The following SPSB4 variants were observed in gnomAD, a reference collection of about 807,000 sequenced individuals.
SPSB4 encodes the protein splA/ryanodine receptor domain and SOCS box containing 4, also known as SPRY domain-containing SOCS box protein 4.
Under a neutral mutation model 20.9 loss-of-function variants are expected in SPSB4, and 21 were observed. The ratio of observed to expected loss-of-function variants is 1.01; its 90% confidence interval spans 0.71 to 1.45. The LOEUF (loss-of-function observed/expected upper bound fraction) is 1.45, where lower values mean the gene tolerates loss of function less well. Among genes scored for constraint, SPSB4 ranks in the 40% most tolerant of loss-of-function variants. The pLI is 0.00. For synonymous variants in SPSB4, 207 were observed against 183.8 expected (o/e 1.13, Z -1.02); for missense variants, 399 against 399.2 (o/e 1.00, Z 0.00).
chr3:141,100,189 A>C (rs1317504363), intron 2 of SPSB4, among the ~76,000 whole-genome samples: 25 of 152,284 alleles, frequency 1.6e-4, no homozygotes, highest in Admixed American at 1.6e-3. Context: ...GAAAATAGAC[A>C]GAAGTGTTAT....
chr3:141,136,649 T>C (rs1939233038), intron 2 of SPSB4, among the ~76,000 whole-genome samples: 1 of 152,210 alleles, frequency 6.6e-6, no homozygotes, highest in Non-Finnish European at 1.5e-5. Context: ...CAGATGGTTG[T>C]AGGTGTGTGG....
intron 2 of SPSB4, among the ~76,000 whole-genome samples, chr3:141,107,077 GTGGCCAC>G (rs1938706495): frequency 6.6e-6 from 1 of 152,228 alleles, no homozygotes; most frequent in Non-Finnish European, 1.5e-5. Context: ...GTCAGTCACA[GTGGCCAC>G]TGGACTGGAA....
Position 141,066,168 on chromosome 3 carries a change from G to T in SPSB4, c.64G>T (p.Ala22Ser). 6.5e-7 allele frequency: 1 copy of T among 1,532,504 alleles called. No homozygotes were observed. Among genetic ancestry groups the T allele is most frequent in the East Asian group, 2.5e-5 (1 of 39,330 alleles). 94.9% of individuals were successfully genotyped at this position (1,532,504 alleles called of 1,614,324 possible). A position where few individuals can be genotyped will look rare whatever the true frequency, so the allele number is the denominator to read the frequency against. The change falls in exon 2 of 3, where the codon GCC (alanine) becomes TCC (serine). Residue 22 changes from alanine (A) to serine (S), a missense_variant. Transcript: ENST00000310546. The part of the protein sequence containing the change: ...VEVREPALRP[A>S]KRELRGAEPG... ...GGTGCGAGAGCCGGCGCTGCGGCCG[G>T]CCAAGCGGGAGCTGCGGGGTGCAGA...
At chr3:141,074,990 G>C (rs1428411077) in intron 2 of SPSB4, among the ~76,000 whole-genome samples, 1 of 152,230 alleles carries the variant, frequency 6.6e-6, no homozygotes, top group Non-Finnish European at 1.5e-5. Context: ...GATGGGAGCT[G>C]ACTGGACCAG....
rs557176968 is a variant in SPSB4 at position 141,066,638 on chromosome 3, C to T, written c.534C>T (p.Leu178=). The part of the protein sequence containing the change: ...DEAFALPDSL[L]VVLDMDEGTL... Reference sequence around the variant, plus strand: ...CCTTTGCGCTGCCCGACTCGCTGCTCGTGGTGCTGGACATGGATGAGGGCA... The same window carrying T: ...CCTTTGCGCTGCCCGACTCGCTGCTTGTGGTGCTGGACATGGATGAGGGCA... The change falls in exon 2 of 3, where the codon CTC becomes CTT. Residue 178 remains leucine (L), a synonymous_variant. Transcript: ENST00000310546. 4.5e-5 allele frequency: 72 copies of T among 1,611,290 alleles called. No individual in the cohort carries two copies. Among genetic ancestry groups the T allele is most frequent in the South Asian group, 4.3e-4 (39 of 90,738 alleles).
intron 2 of SPSB4, among the ~76,000 whole-genome samples, chr3:141,117,664 G>A (rs1006562288): frequency 7.9e-5 from 12 of 151,880 alleles, no homozygotes; most frequent in Non-Finnish European, 1.3e-4. Flanking sequence ...CCCATCCCCC[G>A]CCCAACAGGC....
chr3:141,137,560 G>T (rs1939250199), intron 2 of SPSB4, among the ~76,000 whole-genome samples: 1 of 152,140 alleles, frequency 6.6e-6, no homozygotes. Flanking sequence ...GTTGAATTTT[G>T]TCAAAGGCCT....
intron 2 of SPSB4, among the ~76,000 whole-genome samples, chr3:141,101,104 G>C (rs539322401): frequency 2.2e-4 from 34 of 152,276 alleles, no homozygotes; most frequent in Non-Finnish European, 4.4e-4. Flanking sequence ...TGGGTGAATG[G>C]CACTGGCCCA....
chr3:141,079,319 G>A (rs1027794035), intron 2 of SPSB4, among the ~76,000 whole-genome samples: 1 of 151,676 alleles, frequency 6.6e-6, no homozygotes, highest in African/African-American at 2.4e-5. Flanking sequence ...CAGGGAAAGA[G>A]TGCCCATTTC....
At chr3:141,112,187 C>T (rs1363754755) in intron 2 of SPSB4, among the ~76,000 whole-genome samples, 2 of 152,224 alleles carry the variant, frequency 1.3e-5, no homozygotes, top group Non-Finnish European at 2.9e-5. Flanking sequence ...CCACTTTCCT[C>T]ATCTGTAAAT....
At chr3:141,094,014 G>T (rs1347697842) in intron 2 of SPSB4, among the ~76,000 whole-genome samples, 1 of 152,232 alleles carries the variant, frequency 6.6e-6, no homozygotes, top group Non-Finnish European at 1.5e-5. Flanking sequence ...AGCCAGGCAG[G>T]TCCCGGCAGG....
intron 1 of SPSB4, among the ~76,000 whole-genome samples, chr3:141,064,989 A>G (rs1937836371): frequency 6.6e-6 from 1 of 152,162 alleles, no homozygotes; most frequent in African/African-American, 2.4e-5. Flanking sequence ...ATGCCCAGAG[A>G]ACAGAGCCAG....
intron 2 of SPSB4, among the ~76,000 whole-genome samples, chr3:141,116,607 C>G (rs148615349): frequency 3.3e-5 from 5 of 152,220 alleles, no homozygotes; most frequent in African/African-American, 4.8e-5. Flanking sequence ...AGTGCCTATC[C>G]TCTCAACTGC....
At chr3:141,128,262 G>C (rs1369221100) in intron 2 of SPSB4, among the ~76,000 whole-genome samples, 1 of 152,128 alleles carries the variant, frequency 6.6e-6, no homozygotes, top group Non-Finnish European at 1.5e-5. Context: ...CTGAGGATCT[G>C]GCAGTCAAGA....
At chr3:141,112,642 C>T (rs1461071346) in intron 2 of SPSB4, among the ~76,000 whole-genome samples, 2 of 52,706 alleles carry the variant, frequency 3.8e-5, no homozygotes, top group Admixed American at 5.9e-4. Context: ...GAGACTCCGT[C>T]TCAAAAAAAA....
intron 2 of SPSB4, among the ~76,000 whole-genome samples, chr3:141,078,633 A>G (rs534795392): frequency 5.9e-5 from 9 of 152,354 alleles, no homozygotes; most frequent in Admixed American, 1.3e-4. Flanking sequence ...CAATGTGTCC[A>G]TGCAACCTAA....
chr3:141,127,806 G>T (rs1241095387), intron 2 of SPSB4, among the ~76,000 whole-genome samples: 1 of 152,222 alleles, frequency 6.6e-6, no homozygotes, highest in East Asian at 1.9e-4. Context: ...CTGCCTAGCT[G>T]CATGGCAGGT....
intron 2 of SPSB4, among the ~76,000 whole-genome samples, chr3:141,121,084 G>A (rs1036084339): frequency 2.6e-5 from 4 of 151,352 alleles, no homozygotes; most frequent in African/African-American, 9.7e-5. Flanking sequence ...GCTTCCTTCA[G>A]GAGCTCTTTT....
At chr3:141,103,658 G>A (rs1938646314) in intron 2 of SPSB4, among the ~76,000 whole-genome samples, 1 of 152,058 alleles carries the variant, frequency 6.6e-6, no homozygotes, top group Non-Finnish European at 1.5e-5. Context: ...CCAGAGACAG[G>A]CACACCAGCC....
Sources: gnomAD v4.1 joint callset for allele counts (sites outside exome capture counted in the v4.1 genomes callset) on GRCh38, gnomAD v4.1.1 for gene constraint, MANE v1.5 for transcripts, NCBI Gene and HGNC (gene_info 2026-07-23, HGNC 2026-07-21) for gene names.